EPHA6: variants seen among roughly 807,000 people sequenced by gnomAD.
EPHA6 encodes EPH receptor A6, also known as ephrin type-A receptor 6.
EPHA6 carries 50 observed loss-of-function variants against 112.0 expected under a neutral mutation model. The ratio of observed to expected loss-of-function variants is 0.45; its 90% CI spans 0.36 to 0.56. The LOEUF is 0.56. EPHA6 is among the 20% of genes least tolerant of loss of function. EPHA6 has a pLI of 0.00. For synonymous variants in EPHA6, 529 were observed against 490.7 expected (o/e 1.08, Z -1.03); for missense variants, 1,280 against 1,417.4 (o/e 0.90, Z 1.56).
chr3:97,577,463 C>T (rs1160598844), intron 11 of EPHA6, among the ~76,000 whole-genome samples: 4 of 152,012 alleles, frequency 2.6e-5, no homozygotes, highest in African/African-American at 9.7e-5. Flanking sequence ...TCTTTCTTTT[C>T]ATCATACATC....
At chr3:97,185,216 G>A (rs930449996) in intron 3 of EPHA6, among the ~76,000 whole-genome samples, 1 of 152,030 alleles carries the variant, frequency 6.6e-6, no homozygotes, top group Non-Finnish European at 1.5e-5. Flanking sequence ...TTGACAAACG[G>A]GATCTAATTA....
intron 13 of EPHA6, among the ~76,000 whole-genome samples, chr3:97,629,157 G>A (rs1313443683): frequency 1.3e-5 from 2 of 151,790 alleles, no homozygotes; most frequent in East Asian, 3.9e-4. Flanking sequence ...CAATCTCCTG[G>A]CCTCAAATGA....
intron 14 of EPHA6, among the ~76,000 whole-genome samples, chr3:97,647,312 A>G (rs1470366045): frequency 6.6e-6 from 1 of 152,202 alleles, no homozygotes; most frequent in Non-Finnish European, 1.5e-5. Context: ...AAACTCATAT[A>G]TTGTACAGAC....
intron 12 of EPHA6, among the ~76,000 whole-genome samples, chr3:97,604,895 G>C (rs954039177): frequency 6.6e-6 from 1 of 151,530 alleles, no homozygotes; most frequent in Non-Finnish European, 1.5e-5. Context: ...TCTTATGTGT[G>C]TGTTTCTTCT....
At chr3:97,398,882 A>G (rs1477981182) in intron 5 of EPHA6, among the ~76,000 whole-genome samples, 1 of 151,588 alleles carries the variant, frequency 6.6e-6, no homozygotes, top group Non-Finnish European at 1.5e-5. Flanking sequence ...TATTTTGAAC[A>G]TGAATATACT....
At chr3:97,050,653 T>C (rs2045656495) in intron 3 of EPHA6, among the ~76,000 whole-genome samples, 1 of 152,170 alleles carries the variant, frequency 6.6e-6, no homozygotes, top group Admixed American at 6.6e-5. Flanking sequence ...TATTCTCCAA[T>C]TCTAAAAATA....
At position 97,244,078 on chromosome 3, in the gene EPHA6, G is replaced by C; in HGVS notation, c.1397G>C (p.Cys466Ser). 1.9e-6 allele frequency: 3 copies of C among 1,612,952 alleles called. No homozygotes were observed. Among genetic ancestry groups the C allele is most frequent in the Non-Finnish European group, 2.5e-6 (3 of 1,179,298 alleles). ...ACATACAGTGTAATCTGTAAGAAATGTGGCTTAGACACCAGCCAGTGTGAG... is the reference window on the plus strand; with the variant it reads ...ACATACAGTGTAATCTGTAAGAAATCTGGCTTAGACACCAGCCAGTGTGAG... ...DLTYSVICKK[C>S]GLDTSQCEDC... Residue 466 changes from cysteine to serine, a missense_variant, in exon 5 of 18, where the codon TGT becomes TCT. Cys to Ser is a moderately radical substitution (Grantham distance 112). Transcript: ENST00000389672.
chr3:97,403,439 CTTAAAG>C (rs751612880), intron 5 of EPHA6, among the ~76,000 whole-genome samples: 28 of 152,050 alleles, frequency 1.8e-4, no homozygotes, highest in Middle Eastern at 3.4e-3. Flanking sequence ...CAAAATTGTT[CTTAAAG>C]TTATTTATTT....
In EPHA6 at chr3:97,481,984, C is replaced by T. The variant is rs557317656; in HGVS notation, c.2075-1950C>T. ...CAAACCAGATGGGCCCAGCATGAAG[C>T]GATGAAAATAACTCGAGACAGCCAA... is the stretch of plus-strand genomic sequence containing the variant. On this transcript the variant is annotated intron_variant, in intron 9 of 17. Transcript: ENST00000389672. Among the ~76,000 whole-genome samples, 3 of 152,128 alleles carry T rather than the reference C, an allele frequency of 2.0e-5. No homozygotes were observed. In the East Asian group the frequency reaches 5.8e-4, roughly 29 times the overall value.
chr3:96,887,848 C>A (rs2037721864), intron 2 of EPHA6, among the ~76,000 whole-genome samples: 1 of 151,992 alleles, frequency 6.6e-6, no homozygotes, highest in African/African-American at 2.4e-5. Flanking sequence ...TCTGCTGAGT[C>A]ATGCAGGTTA....
intron 5 of EPHA6, among the ~76,000 whole-genome samples, chr3:97,297,357 A>G (rs1230849989): frequency 6.6e-6 from 1 of 151,972 alleles, no homozygotes; most frequent in Non-Finnish European, 1.5e-5. Context: ...CATTATTTTG[A>G]TTGTTCTTTA....
At chr3:97,282,301 G>C (rs113239199) in intron 5 of EPHA6, among the ~76,000 whole-genome samples, 3,300 of 152,216 alleles carry the variant, frequency 0.022, 87 homozygotes, top group African/African-American at 0.068. Context: ...ACCATCTCGT[G>C]CCACTTAGAA....
intron 3 of EPHA6, among the ~76,000 whole-genome samples, chr3:96,993,134 G>A (rs1053744773): frequency 1.3e-5 from 2 of 152,050 alleles, no homozygotes; most frequent in African/African-American, 4.8e-5. Flanking sequence ...GAAGGCCTTA[G>A]AAAATATTTT....
intron 3 of EPHA6, among the ~76,000 whole-genome samples, chr3:97,008,798 G>T (rs1033119701): frequency 2.6e-5 from 4 of 152,004 alleles, no homozygotes; most frequent in African/African-American, 7.2e-5. Context: ...TTTTATGGGG[G>T]CCCTTTTGTT....
chr3:96,952,866 T>C (rs1314883290), intron 2 of EPHA6, among the ~76,000 whole-genome samples: 1 of 151,930 alleles, frequency 6.6e-6, no homozygotes, highest in Admixed American at 6.6e-5. Flanking sequence ...TGTCTGTCTG[T>C]GGAGGGTGGG....
intron 3 of EPHA6, among the ~76,000 whole-genome samples, chr3:97,041,503 T>C (rs1315622656): frequency 6.6e-6 from 1 of 152,110 alleles, no homozygotes; most frequent in Non-Finnish European, 1.5e-5. Context: ...GGGTGTCCTT[T>C]CTATGACTGC....
chr3:96,920,481 C>T (rs1159309720), intron 2 of EPHA6, among the ~76,000 whole-genome samples: 2 of 151,940 alleles, frequency 1.3e-5, no homozygotes, highest in African/African-American at 4.8e-5. Flanking sequence ...ACCCAATCTT[C>T]AGGGGTTCTT....
intron 3 of EPHA6, among the ~76,000 whole-genome samples, chr3:97,039,884 C>T (rs1251812292): frequency 6.6e-6 from 1 of 151,810 alleles, no homozygotes; most frequent in East Asian, 1.9e-4. Flanking sequence ...CCCTCGTAAC[C>T]TTTATACTAC....
At chr3:96,956,807 G>C (rs2041778590) in intron 2 of EPHA6, among the ~76,000 whole-genome samples, 1 of 152,098 alleles carries the variant, frequency 6.6e-6, no homozygotes, top group African/African-American at 2.4e-5. Context: ...GGCTGAGGCG[G>C]GTGGATCACG....
Sources: gnomAD v4.1 joint callset for allele counts (sites outside exome capture counted in the v4.1 genomes callset) on GRCh38, gnomAD v4.1.1 for gene constraint, MANE v1.5 for transcripts, NCBI Gene and HGNC (gene_info 2026-07-23, HGNC 2026-07-21) for gene names.